Variants in MTHFD1L observed in about 807,000 individuals in gnomAD.
MTHFD1L encodes the protein methylenetetrahydrofolate dehydrogenase (NADP+ dependent) 1 like.
A neutral mutation model predicts 119.5 loss-of-function variants in MTHFD1L; 81 were observed. That is an observed-to-expected ratio of 0.68 (90% confidence interval 0.57 to 0.82). MTHFD1L has a LOEUF of 0.82. MTHFD1L is among the 40% of genes least tolerant of loss of function. MTHFD1L has a pLI of 0.00. For synonymous variants in MTHFD1L, 430 were observed against 475.2 expected, an observed-to-expected ratio of 0.90 and a Z score of 1.24; for missense variants, 1,125 against 1,253.4, an observed-to-expected ratio of 0.90 and a Z score of 1.55.
chr6:151,060,935 T>A lies in MTHFD1L; in HGVS notation c.2847+23818T>A, dbSNP rs535958463. On this transcript the variant is annotated intron_variant, in intron 26 of 27. Transcript: ENST00000367321. The stretch of plus-strand genomic sequence containing the variant: ...TCATGAAGACCTATTTAGAAAGTAG[T>A]AGGCAAGAAATACCCAGGGCCTAAC... Among the ~76,000 whole-genome samples, 5 of 152,252 alleles carry A rather than the reference T, an allele frequency of 3.3e-5. No individual in the cohort carries two copies. The East Asian group carries it at 9.6e-4, about 29-fold the overall frequency.
chr6:151,070,485 T>G (rs1391795273), intron 26 of MTHFD1L, among the ~76,000 whole-genome samples: 1 of 152,234 alleles, frequency 6.6e-6, no homozygotes, highest in East Asian at 1.9e-4. Context: ...TCTTCTCAAG[T>G]TCTTCAAGTC....
At chr6:151,070,840 C>A (rs183824448) in intron 26 of MTHFD1L, among the ~76,000 whole-genome samples, 1 of 152,206 alleles carries the variant, frequency 6.6e-6, no homozygotes, top group Non-Finnish European at 1.5e-5. Context: ...CTAACCTTTT[C>A]CTCATTGGGA....
At position 150,983,198 on chromosome 6, in the gene MTHFD1L, A is replaced by T. The variant is rs145920990; in HGVS notation, c.2125+11140A>T. Among the ~76,000 whole-genome samples the T allele has an allele frequency of 2.6e-5, 4 of 152,342 alleles. No individual in the cohort carries two copies. The East Asian group carries it at 7.7e-4, about 29-fold the overall frequency. ...TACGAATACTTTGCCATTATGAGTT[A>T]CAAATATCTTCTCCCCTGTATGGCT... is the stretch of plus-strand genomic sequence containing the variant. On this transcript the variant is annotated intron_variant, in intron 20 of 27. Transcript: ENST00000367321.
At chr6:150,866,199 A>T in intron 1 of MTHFD1L, 150 bp downstream of exon 1, 1 of 1,365,470 alleles carries the variant, frequency 7.3e-7, no homozygotes, top group South Asian at 1.5e-5. Flanking sequence ...TGTGTCGGGA[A>T]ACGCGGGCTT....
At chr6:150,944,326 A>G (rs1369334305) in intron 13 of MTHFD1L, among the ~76,000 whole-genome samples, 160 bp from the exon 14 acceptor site, 2 of 152,180 alleles carry the variant, frequency 1.3e-5, no homozygotes, top group Non-Finnish European at 2.9e-5. Flanking sequence ...GTGCACCTAT[A>G]GTCCCAGCCT....
chr6:150,873,432 G>A (rs1253099793), intron 1 of MTHFD1L, among the ~76,000 whole-genome samples: 4 of 152,050 alleles, frequency 2.6e-5, no homozygotes, highest in Non-Finnish European at 5.9e-5. Flanking sequence ...TAGCTTTGGG[G>A]CACAGAAAAA....
intron 20 of MTHFD1L, among the ~76,000 whole-genome samples, chr6:150,977,301 GTC>G (rs774766647): frequency 4.6e-5 from 7 of 152,144 alleles, no homozygotes; most frequent in Non-Finnish European, 8.8e-5. Flanking sequence ...GAATTATTTT[GTC>G]TATTCTGAAT....
At chr6:151,031,108 T>C (rs1018947230) in intron 24 of MTHFD1L, among the ~76,000 whole-genome samples, 2 of 152,350 alleles carry the variant, frequency 1.3e-5, no homozygotes, top group East Asian at 1.9e-4. Context: ...TTGTACAACA[T>C]TCCTGGCACC....
At position 150,960,325 on chromosome 6, in the gene MTHFD1L, G is replaced by T; in HGVS notation, c.1854G>T (p.Leu618=). ...VASEIMAVLA[L]TDSLADMKAR... The stretch of plus-strand genomic sequence containing the variant: ...GCGAGATCATGGCGGTGCTGGCCCT[G>T]ACGGACAGCCTCGCAGACATGAAGG... Residue 618 remains leucine, a synonymous_variant, in exon 18 of 28, where the codon CTG becomes CTT. Transcript: ENST00000367321. The T allele has an allele frequency of 6.2e-7, 1 of 1,614,092 alleles. No homozygotes were observed. Among genetic ancestry groups the T allele is most frequent in the South Asian group, 1.1e-5 (1 of 91,058 alleles).
intron 20 of MTHFD1L, among the ~76,000 whole-genome samples, chr6:150,996,265 G>C (rs1779798833): frequency 6.6e-6 from 1 of 152,096 alleles, no homozygotes; most frequent in Non-Finnish European, 1.5e-5. Context: ...CTACACCAGT[G>C]GGGTAGGAAA....
In MTHFD1L at chr6:150,885,624, T is replaced by C; in HGVS notation, c.543-10T>C. ...TTTGACTTAACCTACTTCTTTATTT[T>C]CTGATTCAGAGTAACAGACATAAAC... On this transcript the variant is annotated splice_polypyrimidine_tract_variant and intron_variant, in intron 5 of 27. Coordinates refer to ENST00000367321, the MANE Select transcript of MTHFD1L (RefSeq NM_015440.5). 1.9e-6 allele frequency: 3 copies of C among 1,610,986 alleles called. No homozygotes were observed. Among genetic ancestry groups the C allele is most frequent in the Non-Finnish European group, 2.5e-6 (3 of 1,177,576 alleles).
At chr6:150,948,672 C>G (rs1794395058) in intron 15 of MTHFD1L, among the ~76,000 whole-genome samples, 1 of 148,972 alleles carries the variant, frequency 6.7e-6, no homozygotes, top group Admixed American at 6.8e-5. Context: ...TGGAGTTTCG[C>G]TCTTGTTGCC....
intron 26 of MTHFD1L, among the ~76,000 whole-genome samples, chr6:151,082,304 A>G (rs904717888): frequency 1.3e-5 from 2 of 152,186 alleles, no homozygotes; most frequent in Non-Finnish European, 2.9e-5. Flanking sequence ...CTAAGGACTG[A>G]AGGGCCATTT....
At chr6:151,074,588 G>T (rs1792312477) in intron 26 of MTHFD1L, among the ~76,000 whole-genome samples, 1 of 152,214 alleles carries the variant, frequency 6.6e-6, no homozygotes, top group African/African-American at 2.4e-5. Context: ...AGTGAAATGT[G>T]TATGTAGTCA....
At chr6:151,019,480 A>G (rs1463730567) in intron 24 of MTHFD1L, among the ~76,000 whole-genome samples, 4 of 152,076 alleles carry the variant, frequency 2.6e-5, no homozygotes, top group Admixed American at 6.6e-5. Flanking sequence ...CTTCATGCAG[A>G]TAATGCTGCT....
chr6:151,048,900 A>G (rs1788534927), intron 26 of MTHFD1L, among the ~76,000 whole-genome samples: 1 of 152,122 alleles, frequency 6.6e-6, no homozygotes, highest in South Asian at 2.1e-4. Flanking sequence ...TTTCTCACAA[A>G]CACCAACCAG....
chr6:151,003,297 C>T (rs556579232), intron 20 of MTHFD1L, among the ~76,000 whole-genome samples: 11 of 152,162 alleles, frequency 7.2e-5, no homozygotes, highest in East Asian at 3.9e-4. Context: ...TTTGGGAGGC[C>T]GAGGTGGGCG....
At chr6:151,001,835 C>T (rs889851924) in intron 20 of MTHFD1L, among the ~76,000 whole-genome samples, 2 of 152,172 alleles carry the variant, frequency 1.3e-5, no homozygotes, top group Non-Finnish European at 2.9e-5. Context: ...GAACTCATCA[C>T]TGTTGACACA....
chr6:151,005,871 A>G (rs1467940411), intron 20 of MTHFD1L, among the ~76,000 whole-genome samples: 4 of 152,178 alleles, frequency 2.6e-5, no homozygotes, highest in Non-Finnish European at 5.9e-5. Flanking sequence ...TATGACATTT[A>G]TGCCTTTCAG....
Sources: gnomAD v4.1 joint callset for allele counts (sites outside exome capture counted in the v4.1 genomes callset) on GRCh38, gnomAD v4.1.1 for gene constraint, MANE v1.5 for transcripts, NCBI Gene and HGNC (gene_info 2026-07-23, HGNC 2026-07-21) for gene names.